Variants in PCDH15 observed in about 807,000 individuals in gnomAD.
PCDH15 encodes protocadherin related 15, also known as protocadherin-15.
PCDH15 carries 129 observed loss-of-function variants against 178.5 expected under a neutral mutation model. The ratio of observed to expected loss-of-function variants is 0.72; its 90% confidence interval spans 0.63 to 0.84. The LOEUF (loss-of-function observed/expected upper bound fraction) is 0.84. Ranked by LOEUF, PCDH15 falls within the 40% of genes least tolerant of loss-of-function variation. The pLI is 0.00. For missense variants in PCDH15, 2,230 were observed against 2,099.9 expected (o/e 1.06, Z -1.21); for synonymous variants, 800 against 732.0 (o/e 1.09, Z -1.50).
intron 1 of PCDH15, among the ~76,000 whole-genome samples, chr10:54,769,585 A>G (rs1948867136): frequency 6.6e-6 from 1 of 151,844 alleles, no homozygotes; most frequent in Admixed American, 6.6e-5. Flanking sequence ...CCAAAATGTG[A>G]TATATTTACA....
At chr10:54,342,472 G>T (rs1398697811) in intron 6 of PCDH15, among the ~76,000 whole-genome samples, 1 of 152,194 alleles carries the variant, frequency 6.6e-6, no homozygotes, top group Non-Finnish European at 1.5e-5. Context: ...TGGTTTCAGA[G>T]GATGTGTGAA....
chr10:53,898,210 G>A (rs562546222), intron 26 of PCDH15, among the ~76,000 whole-genome samples: 13 of 151,652 alleles, frequency 8.6e-5, no homozygotes, highest in Non-Finnish European at 1.9e-4. Context: ...CTCGTGATCC[G>A]CCCGCCTCGG....
intron 2 of PCDH15, among the ~76,000 whole-genome samples, chr10:55,127,513 T>A (rs1837931179): frequency 6.6e-6 from 1 of 152,028 alleles, no homozygotes; most frequent in Non-Finnish European, 1.5e-5. Context: ...GCTCTACCCA[T>A]CAAATAGACA....
intron 2 of PCDH15, among the ~76,000 whole-genome samples, chr10:55,405,094 G>A (rs1838164348): frequency 6.6e-6 from 1 of 151,174 alleles, no homozygotes; most frequent in South Asian, 2.1e-4. Flanking sequence ...CACTATTTTG[G>A]AATCAGGGCA....
chr10:55,018,104 T>G (rs1840227715), intron 2 of PCDH15, among the ~76,000 whole-genome samples: 1 of 152,116 alleles, frequency 6.6e-6, no homozygotes, highest in African/African-American at 2.4e-5. Context: ...AGAAGAAATT[T>G]GTCTTGAAGA....
At chr10:55,538,546 C>T (rs1841655193) in intron 2 of PCDH15, among the ~76,000 whole-genome samples, 1 of 139,468 alleles carries the variant, frequency 7.2e-6, no homozygotes, top group African/African-American at 2.7e-5. Context: ...CCTTTCCTTC[C>T]TTCCTTCCTC....
At chr10:55,561,398 T>C (rs1162529382) in intron 2 of PCDH15, among the ~76,000 whole-genome samples, 1 of 151,900 alleles carries the variant, frequency 6.6e-6, no homozygotes, top group African/African-American at 2.4e-5. Context: ...AAGAATTAGC[T>C]GGAATAGCTA....
intron 2 of PCDH15, among the ~76,000 whole-genome samples, chr10:55,125,155 T>G (rs1837865224): frequency 2.0e-5 from 2 of 99,734 alleles, no homozygotes; most frequent in Non-Finnish European, 4.2e-5. Flanking sequence ...TTTTGAATTT[T>G]TTTTTAATTG....
chr10:54,388,564 A>G (rs1281458499), intron 3 of PCDH15, among the ~76,000 whole-genome samples: 2 of 152,158 alleles, frequency 1.3e-5, no homozygotes, highest in Non-Finnish European at 2.9e-5. Context: ...TTCATCTTCT[A>G]CTAGCCGTTA....
chr10:55,518,734 A>T (rs1181554376), intron 2 of PCDH15, among the ~76,000 whole-genome samples: 1 of 151,980 alleles, frequency 6.6e-6, no homozygotes, highest in Non-Finnish European at 1.5e-5. Context: ...CTCCCAGATA[A>T]GCACAACAAA....
chr10:54,436,055 G>GA, intron 3 of PCDH15, among the ~76,000 whole-genome samples: 1 of 136,040 alleles, frequency 7.4e-6, no homozygotes, highest in Admixed American at 7.4e-5. Flanking sequence ...AGAGAGAAAA[G>GA]AAAGAAAGAA....
chr10:54,131,339 T>G (rs2042418322), intron 15 of PCDH15, among the ~76,000 whole-genome samples: 1 of 152,164 alleles, frequency 6.6e-6, no homozygotes, highest in Non-Finnish European at 1.5e-5. Flanking sequence ...TTATTTTGTT[T>G]TCCTTTTCTT....
In PCDH15 at chr10:53,823,285, CTTG is replaced by C. The variant is rs1358121247; in HGVS notation, c.4368-3058_4368-3056del. 4 of 1,613,852 alleles carry C rather than the reference CTTG, an allele frequency of 2.5e-6. No homozygotes were observed. In the African/African-American group the frequency reaches 4.0e-5, roughly 16 times the overall value. On this transcript the variant is annotated intron_variant, in intron 32 of 37. Coordinates refer to ENST00000644397, the MANE Select transcript of PCDH15 (RefSeq NM_001384140.1). ...GTATTGGAAGAAAAGGGCATCACAA[CTTG>C]TTGATGTTTCCTGTCTTCTGAGACT...
chr10:54,826,265 AT>A (rs1268080987), intron 3 of PCDH15, among the ~76,000 whole-genome samples: 1 of 152,036 alleles, frequency 6.6e-6, no homozygotes, highest in Non-Finnish European at 1.5e-5. Flanking sequence ...TGTAGGTCTG[AT>A]ATCTGGAAAT....
chr10:54,093,929 G>A (rs1438981377), intron 15 of PCDH15, among the ~76,000 whole-genome samples: 1 of 152,024 alleles, frequency 6.6e-6, no homozygotes, highest in East Asian at 1.9e-4. Flanking sequence ...TCTTTTTAGT[G>A]AAAAAACATT....
intron 32 of PCDH15, chr10:53,825,107 C>T (rs1011987516): frequency 2.6e-6 from 4 of 1,526,052 alleles, no homozygotes; most frequent in African/African-American, 2.8e-5. Flanking sequence ...TTCTAACGCT[C>T]TTCTATTAGA....
intron 2 of PCDH15, among the ~76,000 whole-genome samples, chr10:55,405,283 G>GATAGATATATATATATAT (rs1554863154): frequency 1.9e-5 from 2 of 108,086 alleles, no homozygotes; most frequent in African/African-American, 7.0e-5. Flanking sequence ...TGAGGTAACA[G>GATAGATATATATATATAT]ATATATATAT....
At chr10:54,563,869 T>C (rs1417504339) in intron 2 of PCDH15, among the ~76,000 whole-genome samples, 1 of 152,160 alleles carries the variant, frequency 6.6e-6, no homozygotes, top group Non-Finnish European at 1.5e-5. Context: ...ACAAATCTTA[T>C]TCCTCTGGTC....
In PCDH15 at chr10:54,884,639, CCCAA is replaced by C. The variant is rs1029503866; in HGVS notation, c.-29+12807_-29+12810del. On this transcript the variant is annotated intron_variant, in intron 3 of 5. Coordinates refer to the PCDH15 transcript ENST00000458638. The stretch of plus-strand genomic sequence containing the variant: ...AGTGTTGGGACAGTGTTTAAAATCT[CCCAA>C]CAGTTTCAAGAGAGAAACAGGCTTT... Among the ~76,000 whole-genome samples the C allele has an allele frequency of 5.5e-4, 84 of 152,000 alleles. 1 individual carries two copies. Among genetic ancestry groups the C allele is most frequent in the African/African-American group, 2.0e-3 (81 of 41,482 alleles).
Sources: gnomAD v4.1 joint callset for allele counts (sites outside exome capture counted in the v4.1 genomes callset) on GRCh38, gnomAD v4.1.1 for gene constraint, MANE v1.5 for transcripts, NCBI Gene and HGNC (gene_info 2026-07-23, HGNC 2026-07-21) for gene names.